TNK2: variants seen among roughly 807,000 people sequenced by gnomAD.
TNK2 encodes the protein activated CDC42 kinase 1.
In TNK2, 83 loss-of-function variants were observed where a neutral mutation model predicts 101.8. The observed-to-expected ratio is 0.82, with a 90% confidence interval of 0.68 to 0.98. The LOEUF is 0.98. Among genes scored for constraint, TNK2 ranks in the 50% least tolerant of loss-of-function variants. The pLI is 0.00. For synonymous variants in TNK2, 804 were observed against 633.0 expected (o/e 1.27, Z -4.06); for missense variants, 1,665 against 1,483.2 (o/e 1.12, Z -2.01).
intron 1 of TNK2, among the ~76,000 whole-genome samples, chr3:195,907,283 T>C (rs1477777938): frequency 6.6e-6 from 1 of 152,122 alleles, no homozygotes; most frequent in Non-Finnish European, 1.5e-5. Context: ...GCGACAGGCA[T>C]GGGATGAAGC....
At chr3:195,899,997 G>C (rs988855100) in intron 1 of TNK2, among the ~76,000 whole-genome samples, 4 of 152,132 alleles carry the variant, frequency 2.6e-5, no homozygotes, top group African/African-American at 9.7e-5. Context: ...AGAGACGCCA[G>C]CACCTTTCTG....
intron 10 of TNK2, chr3:195,870,512 G>T (rs1010670467): frequency 2.5e-6 from 2 of 797,158 alleles, no homozygotes; most frequent in Non-Finnish European, 3.5e-6. Context: ...ACCAGGCAGC[G>T]GCCAGAGGGC....
At position 195,896,447 on chromosome 3, in the gene TNK2, G is replaced by C. The variant is rs1760525687; in HGVS notation, c.-18-7841C>G. 1.5e-5 allele frequency: 4 copies of C among 268,034 alleles called. No homozygotes were observed. In the Admixed American group the frequency reaches 2.1e-4, roughly 14 times the overall value. 16.6% of individuals were successfully genotyped at this position (268,034 alleles called of 1,614,324 possible). On this transcript the variant is annotated intron_variant, in intron 1 of 15. Transcript: ENST00000672887. The stretch of plus-strand genomic sequence containing the variant: ...CCCTTCCACACCCCAAGCACACCAG[G>C]GTAGGTGGATGACTGCCGGCGAGGC...
rs374854334 is a variant in TNK2, at chr3:195,888,238, C to T, written c.163+188G>A. On this transcript the variant is annotated intron_variant, in intron 2 of 15. Transcript: ENST00000672887. This position sits in a 1 kb window ranked among gnomAD's most constrained non-coding sequence, Gnocchi z 5.3. ...CAGCTTTAGGGAAGGCCTCACTCTC[C>T]TCAAACTCCAATTCACCTTTATAAC... Among the ~76,000 whole-genome samples the T allele has an allele frequency of 2.4e-4, 36 of 152,278 alleles. No individual in the cohort carries two copies. The highest frequency in any genetic ancestry group is 7.7e-4 in the East Asian group (4 of 5,180).
Position 195,867,710 on chromosome 3 carries a change from A to G in TNK2, c.2588T>C (p.Val863Ala). The change falls in exon 13 of 16, where the codon GTC becomes GCC. Residue 863 changes from valine (V) to alanine (A), a missense_variant. Val to Ala is a moderately conservative substitution (Grantham distance 64). Coordinates refer to ENST00000672887, the MANE Select transcript of TNK2 (RefSeq NM_001382273.1). ...PRAGPCILPI[V>A]RDGKKVSSTH... ...GCTGCTGACCTTCTTGCCATCCCGGACGATGGGCAGGATGCAGGGACCAGC... is the reference window on the plus strand; with the variant it reads ...GCTGCTGACCTTCTTGCCATCCCGGGCGATGGGCAGGATGCAGGGACCAGC... 6.2e-7 allele frequency: 1 copy of G among 1,607,712 alleles called. No individual in the cohort carries two copies. The highest frequency in any genetic ancestry group is 8.5e-7 in the Non-Finnish European group (1 of 1,178,118).
Position 195,886,494 on chromosome 3 carries a change from C to G in TNK2, c.234+483G>C, listed in dbSNP as rs903486294. Among the ~76,000 whole-genome samples the G allele has an allele frequency of 4.6e-5, 7 of 152,058 alleles. No homozygotes were observed. The highest frequency in any genetic ancestry group is 1.4e-4 in the African/African-American group (6 of 41,408). ...ACTACACCACAGACCCAAATTAGGA[C>G]AAGGTGTGGGGAGAGGTGGGGACAG... On this transcript the variant is annotated intron_variant, in intron 3 of 15. Transcript: ENST00000672887. The surrounding 1 kb of genome is among the most constrained non-coding windows in gnomAD (Gnocchi z 4.2).
At position 195,868,630 on chromosome 3, in the gene TNK2, G is replaced by A. The variant is rs540825546; in HGVS notation, c.1668C>T (p.Gly556=). 5.0e-5 allele frequency: 79 copies of A among 1,593,392 alleles called. 2 individuals are homozygous for A. In the South Asian group the frequency reaches 7.5e-4, roughly 15 times the overall value. The change falls in exon 13 of 16, where the codon GGC becomes GGT. Residue 556 remains glycine (G), a synonymous_variant. Transcript: ENST00000672887. ...DFKRLGLRKP[G]LPRGLWLAKP... The stretch of plus-strand genomic sequence containing the variant: ...TCGCCAGCCACAGCCCTCGGGGCAG[G>A]CCTGGCTTCCGCAGGCCCAGCCTCT...
At chr3:195,866,752 C>CAGCTGGAGAG in intron 15 of TNK2, 137 bp downstream of exon 15, 1 of 1,298,168 alleles carries the variant, frequency 7.7e-7, no homozygotes, top group Non-Finnish European at 1.0e-6. Context: ...CCTGTGAGCG[C>CAGCTGGAGAG]CTCCCTCCCG....
intron 6 of TNK2, among the ~76,000 whole-genome samples, chr3:195,881,488 C>T (rs1752820692): frequency 7.7e-6 from 1 of 129,388 alleles, no homozygotes; most frequent in Non-Finnish European, 1.6e-5. Context: ...CTAACACCCC[C>T]CCCAGCAACG....
intron 15 of TNK2, 128 bp downstream of exon 15, chr3:195,866,761 C>T (rs1039538878): frequency 1.4e-5 from 19 of 1,370,844 alleles, no homozygotes; most frequent in Admixed American, 8.1e-5. Context: ...GCCTCCCTCC[C>T]GCAGCTGGAG....
In TNK2 at chr3:195,882,472, T is replaced by G. The variant is rs1753606346; in HGVS notation, c.610-144A>C. ...TCCTGGCCTGCTGTCTGGGGACCTC[T>G]AGGAGTCCTGCAGTTTCTCAGGCCT... is the stretch of plus-strand genomic sequence containing the variant. On this transcript the variant is annotated intron_variant, in intron 5 of 15. Coordinates refer to ENST00000672887, the MANE Select transcript of TNK2 (RefSeq NM_001382273.1). This position sits in a 1 kb window ranked among gnomAD's most constrained non-coding sequence, Gnocchi z 4.2. 6.5e-7 allele frequency: 1 copy of G among 1,545,930 alleles called. No homozygotes were observed. The highest frequency in any genetic ancestry group is 1.4e-5 in the African/African-American group (1 of 73,186).
In TNK2 at chr3:195,878,651, C is replaced by T. The variant is rs545912825; in HGVS notation, c.1015-59G>A. The T allele has an allele frequency of 2.6e-5, 41 of 1,576,734 alleles. No homozygotes were observed. The highest frequency in any genetic ancestry group is 2.0e-4 in the South Asian group (18 of 88,110). The stretch of plus-strand genomic sequence containing the variant: ...ACAGAGCGCCCAGCCCTTCACTTCC[C>T]GCCTTCCCTCCAGCCCATCCACAGC... On this transcript the variant is annotated intron_variant, in intron 7 of 15. Coordinates refer to ENST00000672887, the MANE Select transcript of TNK2 (RefSeq NM_001382273.1). The surrounding 1 kb of genome is among the most constrained non-coding windows in gnomAD (Gnocchi z 4.7).
chr3:195,903,991 T>A (rs1356941043), intron 1 of TNK2, among the ~76,000 whole-genome samples: 1 of 152,026 alleles, frequency 6.6e-6, no homozygotes, highest in African/African-American at 2.4e-5. Flanking sequence ...AACGGTACCA[T>A]CTCATAACAG....
At chr3:195,895,299 T>C (rs549914039) in intron 1 of TNK2, 14 of 1,573,540 alleles carry the variant, frequency 8.9e-6, no homozygotes, top group South Asian at 1.2e-5. Flanking sequence ...CTCTCCCCCA[T>C]GGAGCCCCAA....
chr3:195,878,695 G>A lies in TNK2; in HGVS notation c.1015-103C>T, dbSNP rs1750776710. The A allele has an allele frequency of 6.8e-7, 1 of 1,475,168 alleles. No homozygotes were observed. The highest frequency in any genetic ancestry group is 1.4e-5 in the African/African-American group (1 of 72,106). The allele number at this position is 1,475,168 out of a possible 1,614,324, so 91.4% of individuals were successfully genotyped here. A position where few individuals can be genotyped will look rare whatever the true frequency, so the allele number is the denominator to read the frequency against. On this transcript the variant is annotated intron_variant, in intron 7 of 15. Transcript: ENST00000672887. This position sits in a 1 kb window ranked among gnomAD's most constrained non-coding sequence, Gnocchi z 4.7. Reference sequence around the variant, plus strand: ...CCACAGCTGCAGCGGCTGCTGCCATGCCTGGCCTCCAAAGAAGGGATCTGC... The same window carrying A: ...CCACAGCTGCAGCGGCTGCTGCCATACCTGGCCTCCAAAGAAGGGATCTGC...
At position 195,870,143 on chromosome 3, in the gene TNK2, C is replaced by T. The variant is rs34189351; in HGVS notation, c.1514G>A (p.Arg505Gln). 4.4e-4 allele frequency: 649 copies of T among 1,478,836 alleles called. No homozygotes were observed. Among genetic ancestry groups the T allele is most frequent in the Middle Eastern group, 1.2e-3 (7 of 5,616 alleles). The allele number at this position is 1,478,836 out of a possible 1,614,324, so 91.6% of individuals were successfully genotyped here. ...CACCCCTCCTAGATGCTGGGGGGGCCGGGAGGTGCTCAGTTCCACGCTCAG... is the reference window on the plus strand; with the variant it reads ...CACCCCTCCTAGATGCTGGGGGGGCTGGGAGGTGCTCAGTTCCACGCTCAG... ...DLLSVELSTS[R>Q]PPQHLGGVKR... The change falls in exon 11 of 16, where the codon CGG becomes CAG. Residue 505 changes from arginine (R) to glutamine (Q), a missense_variant. By Grantham distance (43) the Arg-to-Gln change is conservative. Transcript: ENST00000672887.
Position 195,868,332 on chromosome 3 carries a change from C to A in TNK2, c.1966G>T (p.Asp656Tyr), listed in dbSNP as rs770147978. 5.9e-5 allele frequency: 95 copies of A among 1,602,388 alleles called. No homozygotes were observed. The highest frequency in any genetic ancestry group is 7.5e-5 in the Non-Finnish European group (88 of 1,179,128). ...GAGCAGATCTCAAAGTCATCCTCAT[C>A]CTGGGCCACGTCGTCATAGGCGGGC... The part of the protein sequence containing the change: ...PPPAYDDVAQ[D>Y]EDDFEICSIN... The change falls in exon 13 of 16, where the codon GAT (aspartate) becomes TAT (tyrosine). Residue 656 changes from aspartate (D) to tyrosine (Y), a missense_variant. Transcript: ENST00000672887.
chr3:195,884,577 A>G, intron 4 of TNK2: 1 of 461,856 alleles, frequency 2.2e-6, no homozygotes, highest in Non-Finnish European at 3.8e-6. Flanking sequence ...CGGAAAGTGG[A>G]GGTTGCAGGA....
Position 195,878,915 on chromosome 3 carries a change from G to C in TNK2, c.1014+134C>G, listed in dbSNP as rs932376872. The C allele has an allele frequency of 7.2e-7, 1 of 1,389,598 alleles. No individual in the cohort carries two copies. The highest frequency in any genetic ancestry group is 2.3e-5 in the East Asian group (1 of 42,750). The allele number at this position is 1,389,598 out of a possible 1,614,324, so 86.1% of individuals were successfully genotyped here. ...AGACACGGGGCGTGGTGGGAGGCACGGGAAGTGGGGGGAGGCACGGGGCGT... is the reference window on the plus strand; with the variant it reads ...AGACACGGGGCGTGGTGGGAGGCACCGGAAGTGGGGGGAGGCACGGGGCGT... On this transcript the variant is annotated intron_variant, in intron 7 of 15. Coordinates refer to ENST00000672887, the MANE Select transcript of TNK2 (RefSeq NM_001382273.1). The surrounding 1 kb of genome is among the most constrained non-coding windows in gnomAD (Gnocchi z 4.7).
Sources: allele counts gnomAD v4.1 joint callset (sites outside exome capture counted in the v4.1 genomes callset), GRCh38; gene constraint gnomAD v4.1.1; non-coding constraint Gnocchi (gnomAD v3.1); transcripts MANE v1.5; gene names NCBI Gene and HGNC (gene_info 2026-07-23, HGNC 2026-07-21).